Variants in SLC9A3 observed in about 807,000 individuals in gnomAD.
The protein encoded by SLC9A3 is sodium/hydrogen exchanger 3.
SLC9A3 carries 37 observed loss-of-function variants against 86.8 expected under a neutral mutation model. That is an observed-to-expected ratio of 0.43 (90% CI 0.33 to 0.56). SLC9A3 has a LOEUF of 0.56. Among genes scored for constraint, SLC9A3 ranks in the 20% least tolerant of loss-of-function variants. The pLI, the probability that SLC9A3 is intolerant of heterozygous loss-of-function variation, is 0.06. For synonymous variants in SLC9A3, 581 were observed against 528.3 expected (o/e 1.10, Z -1.37); for missense variants, 1,011 against 1,171.9 (o/e 0.86, Z 2.00).
chr5:484,678 G>A lies in SLC9A3; in HGVS notation c.774C>T (p.Ser258=), dbSNP rs762916281. ...VKGIVSFFVV[S]LGGTLVGVVF... ...CCACCCCCACCAGCGTGCCCCCCAGGCTCACCACGAAGAAGGACACTGGGT... is the reference window on the plus strand; with the variant it reads ...CCACCCCCACCAGCGTGCCCCCCAGACTCACCACGAAGAAGGACACTGGGT... The change falls in exon 5 of 17, where the codon AGC becomes AGT. Residue 258 remains serine, a synonymous_variant. Transcript: ENST00000264938. The A allele has an allele frequency of 1.2e-6, 2 of 1,613,002 alleles. No individual in the cohort carries two copies. The highest frequency in any genetic ancestry group is 1.1e-5 in the South Asian group (1 of 91,088).
chr5:486,281 CG>C (rs1290308846), intron 3 of SLC9A3, among the ~76,000 whole-genome samples: 7 of 152,058 alleles, frequency 4.6e-5, no homozygotes, highest in East Asian at 1.9e-4. Flanking sequence ...GGGATGGTGT[CG>C]GGGCCGGGCC....
In SLC9A3 at chr5:496,729, GA is replaced by G. The variant is rs1740035953; in HGVS notation, c.212-4659del. Among the ~76,000 whole-genome samples the G allele has an allele frequency of 1.3e-5, 2 of 152,028 alleles. No homozygotes were observed. The highest frequency in any genetic ancestry group is 2.9e-5 in the Non-Finnish European group (2 of 68,006). On this transcript the variant is annotated intron_variant, in intron 1 of 16. Transcript: ENST00000264938. The surrounding 1 kb of genome is among the most constrained non-coding windows in gnomAD (Gnocchi z 4.7). ...TGTTTCCTGCTAAATTTTTTAGCAG[GA>G]AAAATAAAGGCACTCAATTAAATTT...
rs370033191 is a variant in SLC9A3, at chr5:491,839, G to A, written c.444C>T (p.Val148=). The change falls in exon 2 of 17, where the codon GTC becomes GTT. Residue 148 remains valine (V), a synonymous_variant. Transcript: ENST00000264938. The surrounding 1 kb of genome is among the most constrained non-coding windows in gnomAD (Gnocchi z 9.2). ...TGGCCGCGTTCCACACGGTACCCAC[G>A]ACGGCGTACAACAGGATGGTCCCCA... is the stretch of plus-strand genomic sequence containing the variant. ...GNLGTILLYA[V]VGTVWNAATT... The A allele has an allele frequency of 8.7e-6, 14 of 1,601,204 alleles. No individual in the cohort carries two copies. The African/African-American group carries it at 9.4e-5, about 11-fold the overall frequency.
At chr5:515,434 C>G (rs886501827) in intron 1 of SLC9A3, among the ~76,000 whole-genome samples, 1 of 152,104 alleles carries the variant, frequency 6.6e-6, no homozygotes, top group Admixed American at 6.5e-5. Flanking sequence ...CCTAGACTGA[C>G]GACACGACAC....
chr5:479,697 T>G, intron 10 of SLC9A3, 139 bp downstream of exon 10: 1 of 782,218 alleles, frequency 1.3e-6, no homozygotes, highest in Non-Finnish European at 2.1e-6. Context: ...AGAAGGCCCA[T>G]CAGCCTCCCG....
rs1257561900 is a variant in SLC9A3 at position 470,591 on chromosome 5, A to C, written c.*2788T>G. 6.6e-6 allele frequency: 1 copy of C among 152,376 alleles called. No individual in the cohort carries two copies. The highest frequency in any genetic ancestry group is 1.5e-5 in the Non-Finnish European group (1 of 68,036). The allele number at this position is 152,376 out of a possible 1,614,324, so 9.4% of individuals were successfully genotyped here. On this transcript the variant is annotated 3_prime_UTR_variant, in exon 17 of 17. Coordinates refer to ENST00000264938, the MANE Select transcript of SLC9A3 (RefSeq NM_004174.4). ...GGGCCCTCCCTGTCTGGACACTGCC[A>C]ACCCACAGCTGGAGGGGCACTTAAG... is the stretch of plus-strand genomic sequence containing the variant.
intron 7 of SLC9A3, 48 bp downstream of exon 7, chr5:482,500 C>A: frequency 6.7e-7 from 1 of 1,496,202 alleles, no homozygotes. Context: ...CCCAGGCTCC[C>A]CTCGCGGGCG....
intron 9 of SLC9A3, among the ~76,000 whole-genome samples, chr5:481,138 C>T (rs1332153678): frequency 1.3e-5 from 2 of 152,244 alleles, no homozygotes; most frequent in Non-Finnish European, 2.9e-5. Context: ...GAGCTGACCA[C>T]CTCAGTCTCC....
intron 1 of SLC9A3, among the ~76,000 whole-genome samples, chr5:502,131 C>T (rs1421646226): frequency 6.6e-6 from 1 of 152,242 alleles, no homozygotes; most frequent in South Asian, 2.1e-4. Flanking sequence ...CCACGGTTCC[C>T]TAGAGAATCA....
intron 12 of SLC9A3, 24 bp downstream of exon 12, chr5:476,519 C>T (rs921601200): frequency 7.5e-6 from 12 of 1,607,030 alleles, no homozygotes; most frequent in Non-Finnish European, 1.0e-5. Flanking sequence ...CGGGGTCCTC[C>T]AGCCCCCAGC....
In SLC9A3 at chr5:482,110, G is replaced by A. The variant is rs776035476; in HGVS notation, c.1404C>T (p.Ser468=). Reference sequence around the variant, plus strand: ...CGTTGAGCCGAGGTTCCCGGTGCTCGCTCCTCTTCACCTTCAGCCACTGCA... The same window carrying A: ...CGTTGAGCCGAGGTTCCCGGTGCTCACTCCTCTTCACCTTCAGCCACTGCA... ...PLVQWLKVKR[S]EHREPRLNEK... Residue 468 remains serine (S), a synonymous_variant, in exon 8 of 17, where the codon AGC becomes AGT. Coordinates refer to ENST00000264938, the MANE Select transcript of SLC9A3 (RefSeq NM_004174.4). 6.8e-6 allele frequency: 11 copies of A among 1,607,764 alleles called. No individual in the cohort carries two copies. Among genetic ancestry groups the A allele is most frequent in the African/African-American group, 1.4e-5 (1 of 73,548 alleles).
chr5:485,368 G>T, intron 3 of SLC9A3, 137 bp from the exon 4 acceptor site: 1 of 715,942 alleles, frequency 1.4e-6, no homozygotes, highest in East Asian at 2.7e-5. Flanking sequence ...TCATCACAGG[G>T]CAATGGCCCC....
At chr5:493,886 G>C (rs13174780) in intron 1 of SLC9A3, among the ~76,000 whole-genome samples, 3 of 152,226 alleles carry the variant, frequency 2.0e-5, no homozygotes, top group East Asian at 1.9e-4. Flanking sequence ...GCAGGGCAGC[G>C]GGGGTTGGCC....
intron 1 of SLC9A3, among the ~76,000 whole-genome samples, chr5:516,298 G>A (rs1198266704): frequency 1.3e-5 from 2 of 151,882 alleles, no homozygotes; most frequent in Non-Finnish European, 2.9e-5. Flanking sequence ...GGCACTGAAT[G>A]TTTATTGAAT....
Position 475,603 on chromosome 5 carries a change from G to A in SLC9A3, c.2209C>T (p.Leu737=). 6.4e-7 allele frequency: 1 copy of A among 1,552,790 alleles called. No homozygotes were observed. The highest frequency in any genetic ancestry group is 1.2e-5 in the South Asian group (1 of 84,180). ...GCTGTGTCCTTGGTGACACTAGCCA[G>A]GAACTCGATCCCCCCACTCATCTCC... is the stretch of plus-strand genomic sequence containing the variant. The part of the protein sequence containing the change: ...DEEMSGGIEF[L]ASVTKDTASD... Residue 737 remains leucine (L), a synonymous_variant, in exon 15 of 17, where the codon CTG becomes TTG. Coordinates refer to ENST00000264938, the MANE Select transcript of SLC9A3 (RefSeq NM_004174.4).
At chr5:490,549 T>C (rs1402426202) in intron 2 of SLC9A3, among the ~76,000 whole-genome samples, 1 of 152,150 alleles carries the variant, frequency 6.6e-6, no homozygotes, top group Admixed American at 6.5e-5. Context: ...TGCCCGGCTC[T>C]CAAAGGAGCG....
At chr5:492,741 C>T (rs573460831) in intron 1 of SLC9A3, among the ~76,000 whole-genome samples, 10 of 152,280 alleles carry the variant, frequency 6.6e-5, no homozygotes, top group African/African-American at 2.4e-4. Context: ...TGCCTTTTGC[C>T]TTGGTGACCA....
At chr5:477,147 T>C in intron 11 of SLC9A3, 185 bp downstream of exon 11, 1 of 560,278 alleles carries the variant, frequency 1.8e-6, no homozygotes. Context: ...CATCCAGCAC[T>C]AAGGGAGTCT....
chr5:517,717 A>T (rs1733773427), intron 1 of SLC9A3, among the ~76,000 whole-genome samples: 1 of 148,190 alleles, frequency 6.7e-6, no homozygotes, highest in Non-Finnish European at 1.5e-5. Flanking sequence ...CACCCAAGCC[A>T]TCCAGCCATC....
Sources: allele counts gnomAD v4.1 joint callset (sites outside exome capture counted in the v4.1 genomes callset), GRCh38; gene constraint gnomAD v4.1.1; non-coding constraint Gnocchi (gnomAD v3.1); transcripts MANE v1.5; gene names NCBI Gene and HGNC (gene_info 2026-07-23, HGNC 2026-07-21).